CAMSAP1: variants seen among roughly 807,000 people sequenced by gnomAD.
CAMSAP1 encodes the protein calmodulin-regulated spectrin-associated protein 1.
CAMSAP1 carries 58 observed loss-of-function variants against 143.5 expected under a neutral mutation model. That is an observed-to-expected ratio of 0.40 (90% confidence interval 0.33 to 0.50). The LOEUF (loss-of-function observed/expected upper bound fraction) is 0.50, where lower values mean the gene tolerates loss of function less well. Among genes scored for constraint, CAMSAP1 ranks in the 20% least tolerant of loss-of-function variants. The probability of loss-of-function intolerance (pLI) is 0.45; values close to 1 mark genes in which losing one functional copy is unlikely to be tolerated. For synonymous variants in CAMSAP1, 945 were observed against 859.3 expected (o/e 1.10, Z -1.74); for missense variants, 1,969 against 2,115.7 (o/e 0.93, Z 1.36).
At chr9:135,834,576 C>T (rs975988502) in intron 7 of CAMSAP1, among the ~76,000 whole-genome samples, 6 of 152,176 alleles carry the variant, frequency 3.9e-5, no homozygotes, top group African/African-American at 1.4e-4. Context: ...CTTGATCACA[C>T]TTGTATGTGG....
intron 3 of CAMSAP1, among the ~76,000 whole-genome samples, chr9:135,880,388 CA>C (rs1375102332): frequency 6.6e-6 from 1 of 152,060 alleles, no homozygotes; most frequent in Non-Finnish European, 1.5e-5. Flanking sequence ...GGCTGACACC[CA>C]AATCTGAACT....
intron 7 of CAMSAP1, among the ~76,000 whole-genome samples, chr9:135,847,133 G>A (rs1836583570): frequency 6.6e-6 from 1 of 151,848 alleles, no homozygotes; most frequent in Non-Finnish European, 1.5e-5. Context: ...GGATCATGAG[G>A]TCAAGAGATC....
intron 5 of CAMSAP1, among the ~76,000 whole-genome samples, chr9:135,853,713 G>T (rs1042736433): frequency 3.9e-5 from 6 of 152,202 alleles, no homozygotes; most frequent in Non-Finnish European, 8.8e-5. Flanking sequence ...CAGGGCAGGG[G>T]CACAGGGCAG....
rs1394722245 is a variant in CAMSAP1, at chr9:135,820,742, C to G, written c.3822+97G>C. On this transcript the variant is annotated intron_variant, in intron 11 of 16. Coordinates refer to ENST00000389532, the MANE Select transcript of CAMSAP1 (RefSeq NM_015447.4). The surrounding 1 kb of genome is among the most constrained non-coding windows in gnomAD (Gnocchi z 4.4). ...ATCCCCTGGCCTCTTACAGGAGCGG[C>G]TGGCCAGCCTGGTGCAGATCTGTGT... 25 of 1,476,870 alleles carry G rather than the reference C, an allele frequency of 1.7e-5. No homozygotes were observed. In the Admixed American group the frequency reaches 5.1e-4, roughly 30 times the overall value. The allele number at this position is 1,476,870 out of a possible 1,614,324, so 91.5% of individuals were successfully genotyped here. A position where few individuals can be genotyped will look rare whatever the true frequency, so the allele number is the denominator to read the frequency against.
At chr9:135,881,912 C>G (rs1353663260) in intron 2 of CAMSAP1, 118 bp from the exon 3 acceptor site, 1 of 1,227,204 alleles carries the variant, frequency 8.1e-7, no homozygotes, top group Non-Finnish European at 1.1e-6. Context: ...TCGCCCTTTC[C>G]GTCTGAAGAG....
Position 135,823,277 on chromosome 9 carries a change from GCC to G in CAMSAP1, c.1401-19_1401-18del. On this transcript the variant is annotated intron_variant, in intron 10 of 16. Transcript: ENST00000389532. Reference sequence around the variant, plus strand: ...GACGCAGGCCTGAAACACAGGGAAGGCCCACTGGGTGCGCTGCGGTATACACC... The same window carrying G: ...GACGCAGGCCTGAAACACAGGGAAGGCACTGGGTGCGCTGCGGTATACACC... 2.0e-6 allele frequency: 3 copies of G among 1,534,306 alleles called. No individual in the cohort carries two copies. The South Asian group carries it at 3.9e-5, about 20-fold the overall frequency.
In CAMSAP1 at chr9:135,827,417, G is replaced by T. The variant is rs1199255389; in HGVS notation, c.1213C>A (p.Pro405Thr). Residue 405 changes from proline (P) to threonine (T), a missense_variant, in exon 8 of 17, where the codon CCT (proline) becomes ACT (threonine). Around this residue, in one of 4 missense-constraint regions of CAMSAP1, gnomAD observed 1,390 missense variants for 1,420.8 expected, o/e 0.98. Coordinates refer to ENST00000389532, the MANE Select transcript of CAMSAP1 (RefSeq NM_015447.4). ...CHRHYLHPEE[P>T]EYLGKGTAAF... The stretch of plus-strand genomic sequence containing the variant: ...GAAAGACAGACTTACAGGTATTCAG[G>T]TTCTTCCGGGTGCAGGTAGTGCCTG... 1 of 1,564,176 alleles carries T rather than the reference G, an allele frequency of 6.4e-7. No homozygotes were observed. The highest frequency in any genetic ancestry group is 8.7e-7 in the Non-Finnish European group (1 of 1,147,110).
At chr9:135,858,389 G>A (rs1042879169) in intron 5 of CAMSAP1, among the ~76,000 whole-genome samples, 6 of 151,800 alleles carry the variant, frequency 4.0e-5, no homozygotes, top group African/African-American at 1.2e-4. Context: ...ACACCAACTG[G>A]CCCCAGACAC....
At chr9:135,876,463 C>T (rs1188703294) in intron 3 of CAMSAP1, among the ~76,000 whole-genome samples, 1 of 152,146 alleles carries the variant, frequency 6.6e-6, no homozygotes, top group Non-Finnish European at 1.5e-5. Flanking sequence ...AGCATCTTTA[C>T]CCATTAGGAA....
At position 135,880,783 on chromosome 9, in the gene CAMSAP1, C is replaced by A. The variant is rs145180641; in HGVS notation, c.585+850G>T. Among the ~76,000 whole-genome samples the A allele has an allele frequency of 8.1e-4, 124 of 152,278 alleles. 1 individual carries two copies. Among genetic ancestry groups the A allele is most frequent in the African/African-American group, 2.8e-3 (118 of 41,546 alleles). ...TTCTAGTTCCTTTGCTGTGTTAATG[C>A]GCAAACTTAAACACCTTTTTGCATA... On this transcript the variant is annotated intron_variant, in intron 3 of 16. Coordinates refer to ENST00000389532, the MANE Select transcript of CAMSAP1 (RefSeq NM_015447.4).
In CAMSAP1 at chr9:135,822,846, C is replaced by T; in HGVS notation, c.1815G>A (p.Glu605=). 1 of 1,614,012 alleles carries T rather than the reference C, an allele frequency of 6.2e-7. No homozygotes were observed. Among genetic ancestry groups the T allele is most frequent in the Non-Finnish European group, 8.5e-7 (1 of 1,179,884 alleles). ...LMPAVLKPAK[E]KQVITKEDER... is the part of the protein sequence containing the mutation. Reference sequence around the variant, plus strand: ...CATCCTCCTTGGTGATCACCTGCTTCTCTTTCGCTGGCTTAAGAACTGCTG... The same window carrying T: ...CATCCTCCTTGGTGATCACCTGCTTTTCTTTCGCTGGCTTAAGAACTGCTG... The change falls in exon 11 of 17, where the codon GAG becomes GAA. Residue 605 remains glutamate (E), a synonymous_variant. Transcript: ENST00000389532. This position sits in a 1 kb window ranked among gnomAD's most constrained non-coding sequence, Gnocchi z 6.1.
chr9:135,884,493 G>A (rs1251030069), intron 1 of CAMSAP1, among the ~76,000 whole-genome samples: 2 of 152,184 alleles, frequency 1.3e-5, no homozygotes, highest in African/African-American at 4.8e-5. Context: ...CTAAACGGCA[G>A]CAGTCACCGT....
chr9:135,850,223 A>G lies in CAMSAP1; in HGVS notation c.959T>C (p.Met320Thr), dbSNP rs978775393. 5.0e-6 allele frequency: 8 copies of G among 1,613,284 alleles called. No homozygotes were observed. Among genetic ancestry groups the G allele is most frequent in the Non-Finnish European group, 6.8e-6 (8 of 1,179,628 alleles). Residue 320 changes from methionine to threonine, a missense_variant, in exon 7 of 17, where the codon ATG becomes ACG. Around this residue, in one of 4 missense-constraint regions of CAMSAP1, gnomAD observed 221 missense variants for 298.2 expected, o/e 0.74. Coordinates refer to ENST00000389532, the MANE Select transcript of CAMSAP1 (RefSeq NM_015447.4). ...CCAAAAAAGCTCCGCAATAAAAACC[A>G]TAACATTCGGCTAAAAGACAAAAAC... is the stretch of plus-strand genomic sequence containing the variant. Reference protein sequence around the residue: ...YAPLVLKPNVMVFIAELFWWF... With the variant: ...YAPLVLKPNVTVFIAELFWWF...
chr9:135,895,770 G>A (rs1391994765), intron 1 of CAMSAP1, among the ~76,000 whole-genome samples: 4 of 152,020 alleles, frequency 2.6e-5, no homozygotes, highest in African/African-American at 9.7e-5. Flanking sequence ...GCGGCTAAAT[G>A]GAAAAAAGGT....
chr9:135,817,493 G>C (rs1175250331), intron 14 of CAMSAP1, among the ~76,000 whole-genome samples: 1 of 152,020 alleles, frequency 6.6e-6, no homozygotes, highest in African/African-American at 2.4e-5. Context: ...CTGGGCTCAA[G>C]CGATACTACC....
intron 1 of CAMSAP1, among the ~76,000 whole-genome samples, chr9:135,892,815 C>T (rs988132267): frequency 4.0e-4 from 49 of 121,756 alleles, no homozygotes; most frequent in African/African-American, 1.5e-3. Flanking sequence ...CACAACATTG[C>T]ACTCCAGCCT....
intron 7 of CAMSAP1, among the ~76,000 whole-genome samples, chr9:135,831,706 A>G (rs1835867122): frequency 6.6e-6 from 1 of 152,166 alleles, no homozygotes; most frequent in African/African-American, 2.4e-5. Flanking sequence ...TTGTGAAGAT[A>G]AAATCGACAA....
Position 135,818,637 on chromosome 9 carries a change from G to T in CAMSAP1, c.3960-21C>A. On this transcript the variant is annotated intron_variant, in intron 12 of 16. Transcript: ENST00000389532. This position sits in a 1 kb window ranked among gnomAD's most constrained non-coding sequence, Gnocchi z 7.7. ...TGCGCCTGAGAGAAACACACGCCCA[G>T]ACACTGCTCGGTCACGGGGCTTCTT... 1 of 1,608,436 alleles carries T rather than the reference G, an allele frequency of 6.2e-7. No individual in the cohort carries two copies. The highest frequency in any genetic ancestry group is 8.5e-7 in the Non-Finnish European group (1 of 1,176,808).
rs753692365 is a variant in CAMSAP1, at chr9:135,822,816, C to A, written c.1845G>T (p.Arg615=). 2 of 1,614,036 alleles carry A rather than the reference C, an allele frequency of 1.2e-6. No individual in the cohort carries two copies. Among genetic ancestry groups the A allele is most frequent in the Admixed American group, 1.7e-5 (1 of 60,028 alleles). The stretch of plus-strand genomic sequence containing the variant: ...CGATGCTCCTCGGTCTCCCTTCCCC[C>A]CGTTCATCCTCCTTGGTGATCACCT... ...EKQVITKEDE[R]GEGRPRSIVS... is the part of the protein sequence containing the mutation. Residue 615 remains arginine (R), a synonymous_variant, in exon 11 of 17, where the codon CGG becomes CGT. Coordinates refer to ENST00000389532, the MANE Select transcript of CAMSAP1 (RefSeq NM_015447.4). The surrounding 1 kb of genome is among the most constrained non-coding windows in gnomAD (Gnocchi z 6.1).
Sources: gnomAD v4.1 joint callset for allele counts (sites outside exome capture counted in the v4.1 genomes callset) on GRCh38, gnomAD v4.1.1 for gene constraint, gnomAD v4.1.1 regional missense constraint, Gnocchi (gnomAD v3.1) non-coding constraint, MANE v1.5 for transcripts, NCBI Gene and HGNC (gene_info 2026-07-23, HGNC 2026-07-21) for gene names.